The following PAOX variants were observed in gnomAD, a reference collection of about 807,000 sequenced individuals.
PAOX encodes the protein peroxisomal N(1)-acetyl-spermine/spermidine oxidase.
In PAOX, 38 loss-of-function variants were observed where a neutral mutation model predicts 39.0. The observed-to-expected ratio is 0.97, with a 90% confidence interval of 0.75 to 1.28. PAOX has a LOEUF of 1.28. Ranked by LOEUF, PAOX falls within the 50% of genes most tolerant of loss-of-function variation. The pLI is 0.00. For missense variants in PAOX, 667 were observed against 685.7 expected, an observed-to-expected ratio of 0.97 and a Z score of 0.30; for synonymous variants, 311 against 314.4, an observed-to-expected ratio of 0.99 and a Z score of 0.11.
chr10:133,386,625 C>T (rs141777872), intron 4 of PAOX, among the ~76,000 whole-genome samples: 1,988 of 152,084 alleles, frequency 0.013, 34 homozygotes, highest in African/African-American at 0.044. Flanking sequence ...CAGGTGCCCA[C>T]CACCACACCC....
intron 6 of PAOX, among the ~76,000 whole-genome samples, chr10:133,390,348 CAGGAGGTTTGCTG>C (rs1849641597): frequency 6.6e-6 from 1 of 152,002 alleles, no homozygotes; most frequent in East Asian, 1.9e-4. Flanking sequence ...GAGGCCTAGG[CAGGAGGTTTGCTG>C]AGGCCAAGAG....
chr10:133,379,561 A>G, intron 1 of PAOX, 64 bp downstream of exon 1: 1 of 1,192,548 alleles, frequency 8.4e-7, no homozygotes, highest in Non-Finnish European at 1.0e-6. Flanking sequence ...CGCCGGCCCC[A>G]ACCTGCCCTG....
chr10:133,384,090 G>T lies in PAOX; in HGVS notation c.999G>T (p.Glu333Asp). Residue 333 changes from glutamate to aspartate, a missense_variant, in exon 4 of 7, where the codon GAG (glutamate) becomes GAT (aspartate). By Grantham distance (45) the Glu-to-Asp change is conservative. Coordinates refer to ENST00000278060, the MANE Select transcript of PAOX (RefSeq NM_152911.4). The surrounding 1 kb of genome is among the most constrained non-coding windows in gnomAD (Gnocchi z 4.3). ...TGGAGTTTGAGGAGCCCTTCTGGGA[G>T]CCAGACTGCCAGCTGATCCAGCTGG... Reference protein sequence around the residue: ...IFLEFEEPFWEPDCQLIQLVW... With the variant: ...IFLEFEEPFWDPDCQLIQLVW... 1 of 1,614,220 alleles carries T rather than the reference G, an allele frequency of 6.2e-7. No homozygotes were observed. The highest frequency in any genetic ancestry group is 8.5e-7 in the Non-Finnish European group (1 of 1,180,030).
At chr10:133,391,009 T>C (rs576779567) in intron 6 of PAOX, 3 of 699,540 alleles carry the variant, frequency 4.3e-6, no homozygotes, top group South Asian at 1.5e-5. Context: ...TGTGAGCCGT[T>C]TTCCCGCCCG....
intron 6 of PAOX, among the ~76,000 whole-genome samples, chr10:133,390,189 G>A (rs192439280): frequency 6.7e-4 from 23 of 34,454 alleles, no homozygotes; most frequent in East Asian, 2.0e-3. Flanking sequence ...GCCCACCCCC[G>A]CCCTTTTTTA....
At chr10:133,385,622 C>T (rs1001056362) in intron 4 of PAOX, among the ~76,000 whole-genome samples, 4 of 152,104 alleles carry the variant, frequency 2.6e-5, no homozygotes, top group Admixed American at 6.6e-5. Context: ...CTCGCTCTGT[C>T]CCCCAGACTG....
Position 133,388,951 on chromosome 10 carries a change from T to G in PAOX, c.1122-5T>G. ...GTCATCCCAGGGCTCTCTTTCTCCATGCAGGTCTGTCCACGTTCTCTGTGG... is the reference window on the plus strand; with the variant it reads ...GTCATCCCAGGGCTCTCTTTCTCCAGGCAGGTCTGTCCACGTTCTCTGTGG... On this transcript the variant is annotated splice_polypyrimidine_tract_variant and splice_region_variant and intron_variant, in intron 4 of 6. Coordinates refer to ENST00000278060, the MANE Select transcript of PAOX (RefSeq NM_152911.4). The G allele has an allele frequency of 1.2e-6, 2 of 1,606,092 alleles. No individual in the cohort carries two copies.
chr10:133,389,103 T>A (rs926309927), intron 5 of PAOX, 35 bp downstream of exon 5: 2 of 1,475,266 alleles, frequency 1.4e-6, no homozygotes, highest in African/African-American at 1.4e-5. Flanking sequence ...TTCCTGCCTC[T>A]GCTCGTTACT....
chr10:133,391,156 T>C (rs1270179026), intron 6 of PAOX, 156 bp from the exon 7 acceptor site: 1 of 747,690 alleles, frequency 1.3e-6, no homozygotes, highest in African/African-American at 1.7e-5. Context: ...TGGCTATTGG[T>C]GGGTACACGT....
Position 133,389,047 on chromosome 10 carries a change from C to A in PAOX, c.1213C>A (p.Gln405Lys). 6.2e-7 allele frequency: 1 copy of A among 1,613,900 alleles called. No homozygotes were observed. The highest frequency in any genetic ancestry group is 8.5e-7 in the Non-Finnish European group (1 of 1,179,764). Reference sequence around the variant, plus strand: ...TGAAGAAGTACTTCTGTGTCTCACCCAAGTGCTCCGGAGAGTGACAGGTAG... The same window carrying A: ...TGAAGAAGTACTTCTGTGTCTCACCAAAGTGCTCCGGAGAGTGACAGGTAG... ...SDEEVLLCLT[Q>K]VLRRVTGNPR... Residue 405 changes from glutamine to lysine, a missense_variant, in exon 5 of 7, where the codon CAA becomes AAA. Physicochemically the swap from Gln to Lys is moderately conservative, Grantham distance 53. Transcript: ENST00000278060.
intron 6 of PAOX, among the ~76,000 whole-genome samples, chr10:133,390,420 ACACAC>A (rs1849644992): frequency 6.8e-6 from 1 of 147,776 alleles, no homozygotes; most frequent in African/African-American, 2.6e-5. Context: ...CCACACACAC[ACACAC>A]ACACACACAC....
Position 133,380,195 on chromosome 10 carries a change from G to A in PAOX, c.378G>A (p.Leu126=), listed in dbSNP as rs1849321430. 6.2e-7 allele frequency: 1 copy of A among 1,612,444 alleles called. No individual in the cohort carries two copies. The highest frequency in any genetic ancestry group is 1.3e-5 in the African/African-American group (1 of 74,940). ...CCGGGGCCAGCGTGAGCCTCCAGCTGGTGGCGGAGATGGCGACTCTGTTCT... is the reference window on the plus strand; with the variant it reads ...CCGGGGCCAGCGTGAGCCTCCAGCTAGTGGCGGAGATGGCGACTCTGTTCT... ...ASSGASVSLQ[L]VAEMATLFYG... is the part of the protein sequence containing the mutation. The change falls in exon 2 of 7, where the codon CTG becomes CTA. Residue 126 remains leucine, a synonymous_variant. Transcript: ENST00000278060.
chr10:133,381,375 G>C, intron 2 of PAOX, 85 bp from the exon 3 acceptor site: 1 of 1,309,022 alleles, frequency 7.6e-7, no homozygotes, highest in Non-Finnish European at 1.1e-6. Flanking sequence ...CTTTGATGCG[G>C]GTGGGAACTC....
Position 133,380,475 on chromosome 10 carries a change from A to G in PAOX, c.658A>G (p.Thr220Ala), listed in dbSNP as rs762868056. Reference sequence around the variant, plus strand: ...TACCGTGCTGCCGGGGCTGGACTGCACCTTTTCTAAGTGCGTGCCTGAGCC... The same window carrying G: ...TACCGTGCTGCCGGGGCTGGACTGCGCCTTTTCTAAGTGCGTGCCTGAGCC... Reference protein sequence around the residue: ...EYTVLPGLDCTFSKGYQGLTN... With the variant: ...EYTVLPGLDCAFSKGYQGLTN... Residue 220 changes from threonine to alanine, a missense_variant, in exon 2 of 7, where the codon ACC becomes GCC. Transcript: ENST00000278060. 4 of 1,605,756 alleles carry G rather than the reference A, an allele frequency of 2.5e-6. No homozygotes were observed. Among genetic ancestry groups the G allele is most frequent in the Non-Finnish European group, 3.4e-6 (4 of 1,178,574 alleles).
rs1849657360 is a variant in PAOX at position 133,390,873 on chromosome 10, A to G, written c.1393-439A>G. 1.5e-5 allele frequency: 10 copies of G among 648,398 alleles called. No individual in the cohort carries two copies. In the South Asian group the frequency reaches 1.5e-4, roughly 10 times the overall value. The allele number at this position is 648,398 out of a possible 1,614,324, so 40.2% of individuals were successfully genotyped here. ...ATCCAGGAGTTGAGGCCAGATCACTATTCAGTGTTTACACCCCTTGTTTTC... is the reference window on the plus strand; with the variant it reads ...ATCCAGGAGTTGAGGCCAGATCACTGTTCAGTGTTTACACCCCTTGTTTTC... On this transcript the variant is annotated intron_variant, in intron 6 of 6. Coordinates refer to ENST00000278060, the MANE Select transcript of PAOX (RefSeq NM_152911.4).
At chr10:133,390,410 C>CCACACACACA (rs59249557) in intron 6 of PAOX, among the ~76,000 whole-genome samples, 73 of 145,330 alleles carry the variant, frequency 5.0e-4, no homozygotes, top group Non-Finnish European at 9.4e-4. Flanking sequence ...GAGTCGGTCT[C>CCACACACACA]CACACACACA....
chr10:133,383,248 G>C (rs1589893760), intron 3 of PAOX, among the ~76,000 whole-genome samples: 1 of 152,292 alleles, frequency 6.6e-6, no homozygotes, highest in East Asian at 1.9e-4. Flanking sequence ...CATAAGCATA[G>C]ATGGAAATTT....
In PAOX at chr10:133,384,388, G is replaced by A. The variant is rs1437798339; in HGVS notation, c.1121+176G>A. Among the ~76,000 whole-genome samples the A allele has an allele frequency of 1.3e-5, 2 of 152,188 alleles. No homozygotes were observed. Among genetic ancestry groups the A allele is most frequent in the African/African-American group, 2.4e-5 (1 of 41,466 alleles). ...TGCACCTGGGCCTGACCCCTGCGGG[G>A]ACAGATGGCGCCCTGCTGTATGCGG... On this transcript the variant is annotated intron_variant, in intron 4 of 6. Coordinates refer to ENST00000278060, the MANE Select transcript of PAOX (RefSeq NM_152911.4). The surrounding 1 kb of genome is among the most constrained non-coding windows in gnomAD (Gnocchi z 4.3).
chr10:133,384,339 AGCGCCCCCCCACCAGGT>A lies in PAOX; in HGVS notation c.1121+130_1121+146del. 3 of 1,413,526 alleles carry A rather than the reference AGCGCCCCCCCACCAGGT, an allele frequency of 2.1e-6. No individual in the cohort carries two copies. In the East Asian group the frequency reaches 6.9e-5, roughly 33 times the overall value. 87.6% of individuals were successfully genotyped at this position (1,413,526 alleles called of 1,614,324 possible). A position where few individuals can be genotyped will look rare whatever the true frequency, so the allele number is the denominator to read the frequency against. ...GGGTTTAATGGGTAGGGTTCCCATG[AGCGCCCCCCCACCAGGT>A]GCTGGCTGCACCTGGGCCTGACCCC... On this transcript the variant is annotated intron_variant, in intron 4 of 6. Transcript: ENST00000278060. This position sits in a 1 kb window ranked among gnomAD's most constrained non-coding sequence, Gnocchi z 4.3.
Sources: gnomAD v4.1 joint callset for allele counts (sites outside exome capture counted in the v4.1 genomes callset) on GRCh38, gnomAD v4.1.1 for gene constraint, Gnocchi (gnomAD v3.1) non-coding constraint, MANE v1.5 for transcripts, NCBI Gene and HGNC (gene_info 2026-07-23, HGNC 2026-07-21) for gene names.